CCDC136: variants seen among roughly 807,000 people sequenced by gnomAD.
CCDC136 encodes the protein coiled-coil domain-containing protein 136.
A neutral mutation model predicts 141.2 loss-of-function variants in CCDC136; 100 were observed. The observed-to-expected ratio is 0.71, with a 90% CI of 0.60 to 0.84. CCDC136 has a LOEUF of 0.84. Ranked by LOEUF, CCDC136 falls within the 40% of genes least tolerant of loss-of-function variation. The pLI, the probability that CCDC136 is intolerant of heterozygous loss-of-function variation, is 0.00. For missense variants in CCDC136, 1,206 were observed against 1,379.4 expected, an observed-to-expected ratio of 0.87 and a Z score of 1.99; for synonymous variants, 474 against 531.9, an observed-to-expected ratio of 0.89 and a Z score of 1.50.
chr7:128,812,822 G>T lies in CCDC136; in HGVS notation c.2656G>T (p.Ala886Ser), dbSNP rs540680656. The T allele has an allele frequency of 7.4e-6, 12 of 1,613,426 alleles. No homozygotes were observed. In the South Asian group the frequency reaches 1.1e-4, roughly 15 times the overall value. ...QLQEQMEKLL[A>S]KQKDLKEELD... ...GCAAGAGCAGATGGAAAAGTTACTGGCCAAGCAGAAAGACCTGAAGGAAGA... is the reference window on the plus strand; with the variant it reads ...GCAAGAGCAGATGGAAAAGTTACTGTCCAAGCAGAAAGACCTGAAGGAAGA... The change falls in exon 14 of 18, where the codon GCC becomes TCC. Residue 886 changes from alanine (A) to serine (S), a missense_variant. By Grantham distance (99) the Ala-to-Ser change is moderately conservative. Transcript: ENST00000297788.
intron 3 of CCDC136, among the ~76,000 whole-genome samples, chr7:128,795,998 CAG>C (rs1200060894): frequency 6.6e-6 from 1 of 152,122 alleles, no homozygotes. Flanking sequence ...TATTTTGAGA[CAG>C]AGTCTTACTC....
At chr7:128,792,457 C>T in intron 1 of CCDC136, 30 bp downstream of exon 1, 2 of 1,534,394 alleles carry the variant, frequency 1.3e-6, no homozygotes. Context: ...TTCTTTCTTT[C>T]CCCTCCCCTC....
At chr7:128,810,505 C>A in intron 12 of CCDC136, 139 bp downstream of exon 12, 1 of 630,518 alleles carries the variant, frequency 1.6e-6, no homozygotes, top group Non-Finnish European at 2.8e-6. Context: ...TGCCTTTCAC[C>A]AGCTGTGACC....
At chr7:128,810,067 G>T in intron 11 of CCDC136, 72 bp from the exon 12 acceptor site, 1 of 878,904 alleles carries the variant, frequency 1.1e-6, no homozygotes, top group Non-Finnish European at 1.8e-6. Flanking sequence ...CGGGGATGAG[G>T]CACCAAGGAG....
At chr7:128,799,645 T>A (rs1468414185) in intron 3 of CCDC136, among the ~76,000 whole-genome samples, 3 of 152,088 alleles carry the variant, frequency 2.0e-5, no homozygotes, top group East Asian at 1.9e-4. Context: ...TCTCTTATTT[T>A]TTTTTGAGGA....
At chr7:128,815,085 C>A (rs1806385827) in intron 15 of CCDC136, among the ~76,000 whole-genome samples, 166 bp downstream of exon 15, 1 of 152,172 alleles carries the variant, frequency 6.6e-6, no homozygotes, top group Admixed American at 6.5e-5. Context: ...TGGGTGCTCC[C>A]TTTTCCTGTG....
chr7:128,797,108 A>G (rs368652998), intron 3 of CCDC136, among the ~76,000 whole-genome samples: 6 of 152,204 alleles, frequency 3.9e-5, no homozygotes, highest in African/African-American at 1.4e-4. Context: ...TAACAGAGAC[A>G]TGAAAGATGA....
Position 128,809,567 on chromosome 7 carries a change from C to G in CCDC136, c.1723C>G (p.Gln575Glu), listed in dbSNP as rs868422949. 2 of 1,567,036 alleles carry G rather than the reference C, an allele frequency of 1.3e-6. No individual in the cohort carries two copies. Among genetic ancestry groups the G allele is most frequent in the Non-Finnish European group, 8.6e-7 (1 of 1,156,506 alleles). ...GCTCCTGGAGGATCAGAGGAGGATG[C>G]AGGAGGAGCAGGGCCAGCTGCAGGA... ...CELLEDQRRMQEEQGQLQEEL... is the reference protein window; with the variant it reads ...CELLEDQRRMEEEQGQLQEEL... Residue 575 changes from glutamine to glutamate, a missense_variant, in exon 11 of 18, where the codon CAG becomes GAG. Coordinates refer to ENST00000297788, the MANE Select transcript of CCDC136 (RefSeq NM_022742.5).
chr7:128,817,830 T>C lies in CCDC136; in HGVS notation c.3436T>C (p.Trp1146Arg). The change falls in exon 17 of 18, where the codon TGG (tryptophan) becomes CGG (arginine). Residue 1146 changes from tryptophan (W) to arginine (R), a missense_variant. Coordinates refer to ENST00000297788, the MANE Select transcript of CCDC136 (RefSeq NM_022742.5). The surrounding 1 kb of genome is among the most constrained non-coding windows in gnomAD (Gnocchi z 4.6). ...CCTGGTGGTCATCTCGGCTTTGCTC[T>C]GGTGCTGGTGGGCTGAGACGTCGTC... ...VGLVVISALL[W>R]CWWAETSS 6.2e-7 allele frequency: 1 copy of C among 1,613,952 alleles called. No homozygotes were observed. The highest frequency in any genetic ancestry group is 8.5e-7 in the Non-Finnish European group (1 of 1,179,874).
At chr7:128,808,789 T>A (rs1805255139) in intron 10 of CCDC136, 1 of 985,262 alleles carries the variant, frequency 1.0e-6, no homozygotes, top group Non-Finnish European at 1.2e-6. Context: ...GCTCGTCACC[T>A]CTTCCCCTAA....
In CCDC136 at chr7:128,809,525, C is replaced by T. The variant is rs1321932890; in HGVS notation, c.1681C>T (p.Gln561Ter). Residue 561 changes from glutamine to a stop codon, truncating the protein, a stop_gained, in exon 11 of 18, where the codon CAG (glutamine) becomes TAG (stop). Coordinates refer to ENST00000297788, the MANE Select transcript of CCDC136 (RefSeq NM_022742.5). LOFTEE classifies it high-confidence loss of function. Reference protein sequence around the residue: ...KASQKEMGQLQMEQCELLEDQ... With the variant: ...KASQKEMGQL ...CAGCCAGAAGGAGATGGGGCAGCTGCAGATGGAGCAGTGTGAGCTCCTGGA... is the reference window on the plus strand; with the variant it reads ...CAGCCAGAAGGAGATGGGGCAGCTGTAGATGGAGCAGTGTGAGCTCCTGGA... 6.4e-7 allele frequency: 1 copy of T among 1,555,280 alleles called. No homozygotes were observed. The highest frequency in any genetic ancestry group is 8.7e-7 in the Non-Finnish European group (1 of 1,149,994).
At position 128,805,546 on chromosome 7, in the gene CCDC136, A is replaced by T; in HGVS notation, c.948+22A>T. The T allele has an allele frequency of 6.3e-7, 1 of 1,582,434 alleles. No homozygotes were observed. Among genetic ancestry groups the T allele is most frequent in the Non-Finnish European group, 8.6e-7 (1 of 1,163,000 alleles). ...CAAGGTAGGGCACAGAGGGTGGGGA[A>T]GGCAGGCACATTTCTTGTCTTTCTT... On this transcript the variant is annotated intron_variant, in intron 6 of 17. Transcript: ENST00000297788. The surrounding 1 kb of genome is among the most constrained non-coding windows in gnomAD (Gnocchi z 4.6).
intron 3 of CCDC136, among the ~76,000 whole-genome samples, chr7:128,798,448 C>T (rs1001930300): frequency 6.6e-6 from 1 of 151,700 alleles, no homozygotes; most frequent in Non-Finnish European, 1.5e-5. Flanking sequence ...GATGGGGTTT[C>T]GCCATTTTGG....
intron 17 of CCDC136, among the ~76,000 whole-genome samples, chr7:128,820,314 T>C (rs1201305769): frequency 6.6e-6 from 1 of 152,212 alleles, no homozygotes; most frequent in African/African-American, 2.4e-5. Context: ...GAAAATTCTG[T>C]CAAACAACTC....
At chr7:128,796,739 A>ATATATATATATATT in intron 3 of CCDC136, among the ~76,000 whole-genome samples, 12 of 113,368 alleles carry the variant, frequency 1.1e-4, no homozygotes, top group African/African-American at 1.8e-4. Context: ...ATATATATAT[A>ATATATATATATATT]TTCTTTTTTT....
In CCDC136 at chr7:128,806,000, G is replaced by A. The variant is rs1804785266; in HGVS notation, c.1089+99G>A. On this transcript the variant is annotated intron_variant, in intron 7 of 17. Coordinates refer to ENST00000297788, the MANE Select transcript of CCDC136 (RefSeq NM_022742.5). The surrounding 1 kb of genome is among the most constrained non-coding windows in gnomAD (Gnocchi z 4.6). The stretch of plus-strand genomic sequence containing the variant: ...GGCACAGTGAGTATGGCTGTGCTCT[G>A]CTGACTCTTGCCCTGCAACTGGGCA... The A allele has an allele frequency of 1.4e-6, 2 of 1,389,500 alleles. No individual in the cohort carries two copies. Among genetic ancestry groups the A allele is most frequent in the Non-Finnish European group, 1.0e-6 (1 of 999,304 alleles). The allele number at this position is 1,389,500 out of a possible 1,614,324, so 86.1% of individuals were successfully genotyped here.
chr7:128,816,013 A>G, intron 16 of CCDC136, 82 bp downstream of exon 16: 1 of 1,383,028 alleles, frequency 7.2e-7, no homozygotes, highest in South Asian at 1.4e-5. Context: ...GGCCCTGCCA[A>G]GGATGGATAT....
intron 3 of CCDC136, among the ~76,000 whole-genome samples, chr7:128,795,937 G>T (rs553663579): frequency 6.6e-6 from 1 of 152,122 alleles, no homozygotes; most frequent in East Asian, 1.9e-4. Flanking sequence ...CTATGAACAC[G>T]ATATAATAAT....
At chr7:128,818,789 G>C (rs1402593124) in intron 17 of CCDC136, among the ~76,000 whole-genome samples, 1 of 152,132 alleles carries the variant, frequency 6.6e-6, no homozygotes, top group East Asian at 1.9e-4. Flanking sequence ...AGAAGCCTGG[G>C]GTTCCACCTG....
Sources: allele counts gnomAD v4.1 joint callset (sites outside exome capture counted in the v4.1 genomes callset), GRCh38; gene constraint gnomAD v4.1.1; non-coding constraint Gnocchi (gnomAD v3.1); transcripts MANE v1.5; gene names NCBI Gene and HGNC (gene_info 2026-07-23, HGNC 2026-07-21).